Variants in P3H2 observed in about 807,000 individuals in gnomAD.
P3H2 encodes prolyl 3-hydroxylase 2.
Under a neutral mutation model 87.0 loss-of-function variants are expected in P3H2, and 80 were observed. The ratio of observed to expected loss-of-function variants is 0.92; its 90% CI spans 0.77 to 1.11. The LOEUF (loss-of-function observed/expected upper bound fraction) is 1.11. Among genes scored for constraint, P3H2 ranks in the 50% least tolerant of loss-of-function variants. The pLI, the probability that P3H2 is intolerant of heterozygous loss-of-function variation, is 0.00. For missense variants in P3H2, 1,001 were observed against 923.9 expected (o/e 1.08, Z -1.08); for synonymous variants, 367 against 359.3 (o/e 1.02, Z -0.24).
chr3:189,968,621 T>G (rs1294316037), intron 13 of P3H2, among the ~76,000 whole-genome samples: 1 of 152,198 alleles, frequency 6.6e-6, no homozygotes, highest in African/African-American at 2.4e-5. Flanking sequence ...GTAATGGGAT[T>G]GCTGGGTCAA....
intron 1 of P3H2, among the ~76,000 whole-genome samples, chr3:190,059,978 T>C (rs1034345564): frequency 5.3e-5 from 8 of 152,204 alleles, no homozygotes; most frequent in Non-Finnish European, 8.8e-5. Context: ...AGGAAATTTT[T>C]CCAGGTATCT....
Position 189,989,163 on chromosome 3 carries a change from C to T in P3H2, c.824-125G>A. 3.4e-6 allele frequency: 4 copies of T among 1,187,138 alleles called. 1 individual carries two copies. Among genetic ancestry groups the T allele is most frequent in the Admixed American group, 3.7e-5 (2 of 53,412 alleles). The allele number at this position is 1,187,138 out of a possible 1,614,324, so 73.5% of individuals were successfully genotyped here. The stretch of plus-strand genomic sequence containing the variant: ...CACTGGAAGACCAAATTATTATAAT[C>T]CTCACTTCCGGACTGCAAAACCTTT... On this transcript the variant is annotated intron_variant, in intron 3 of 14. Coordinates refer to ENST00000319332, the MANE Select transcript of P3H2 (RefSeq NM_018192.4).
chr3:190,032,119 T>C (rs1725272697), intron 1 of P3H2, among the ~76,000 whole-genome samples: 1 of 152,220 alleles, frequency 6.6e-6, no homozygotes, highest in African/African-American at 2.4e-5. Context: ...TCCAACGAGA[T>C]GGAGGATATG....
intron 1 of P3H2, among the ~76,000 whole-genome samples, chr3:190,034,608 T>A (rs1242983513): frequency 6.6e-6 from 1 of 151,922 alleles, no homozygotes; most frequent in Non-Finnish European, 1.5e-5. Context: ...AAACAAATGG[T>A]TGTCACAGAT....
At chr3:190,052,392 T>C (rs1450034166) in intron 1 of P3H2, among the ~76,000 whole-genome samples, 1 of 152,156 alleles carries the variant, frequency 6.6e-6, no homozygotes, top group Non-Finnish European at 1.5e-5. Context: ...GCTTCCAGTT[T>C]CATCCATGTC....
Position 189,973,935 on chromosome 3 carries a change from C to G in P3H2, c.1522G>C (p.Gly508Arg). 1 of 1,614,074 alleles carries G rather than the reference C, an allele frequency of 6.2e-7. No individual in the cohort carries two copies. The highest frequency in any genetic ancestry group is 8.5e-7 in the Non-Finnish European group (1 of 1,179,958). ...SPHTPNEKFE[G>R]ATVLKALKSG... ...TTGAGTGCTTTCAGGACAGTTGCACCTTCAAACTTTTCATTGGGTGTATGG... is the reference window on the plus strand; with the variant it reads ...TTGAGTGCTTTCAGGACAGTTGCACGTTCAAACTTTTCATTGGGTGTATGG... Residue 508 changes from glycine (G) to arginine (R), a missense_variant, in exon 10 of 15, where the codon GGT (glycine) becomes CGT (arginine). Transcript: ENST00000319332.
At chr3:190,055,806 T>C (rs1726135273) in intron 1 of P3H2, among the ~76,000 whole-genome samples, 1 of 152,214 alleles carries the variant, frequency 6.6e-6, no homozygotes, top group South Asian at 2.1e-4. Flanking sequence ...AAGTAAGCTT[T>C]CTATAACAAT....
At chr3:189,968,033 C>T (rs1723053069) in intron 13 of P3H2, among the ~76,000 whole-genome samples, 1 of 152,188 alleles carries the variant, frequency 6.6e-6, no homozygotes, top group Non-Finnish European at 1.5e-5. Context: ...TTATCACATA[C>T]ATGTCCCAAC....
intron 1 of P3H2, among the ~76,000 whole-genome samples, chr3:190,037,312 T>C (rs1725457246): frequency 6.6e-6 from 1 of 152,148 alleles, no homozygotes; most frequent in Non-Finnish European, 1.5e-5. Context: ...TAATGATTCT[T>C]AACATTACTG....
At chr3:190,056,611 A>C (rs1726162759) in intron 1 of P3H2, among the ~76,000 whole-genome samples, 1 of 152,242 alleles carries the variant, frequency 6.6e-6, no homozygotes, top group Admixed American at 6.5e-5. Context: ...AATCTGGATT[A>C]ATCCATTCAT....
intron 1 of P3H2, among the ~76,000 whole-genome samples, chr3:190,032,918 A>C (rs2108948488): frequency 6.6e-6 from 1 of 152,306 alleles, no homozygotes; most frequent in Admixed American, 6.5e-5. Flanking sequence ...TTCTATTATT[A>C]TTACATTGCA....
At chr3:190,070,411 A>T (rs547012015) in intron 1 of P3H2, among the ~76,000 whole-genome samples, 1 of 152,258 alleles carries the variant, frequency 6.6e-6, no homozygotes, top group South Asian at 2.1e-4. Flanking sequence ...CTTGCCTTGC[A>T]TTTGGGGTAA....
At chr3:189,967,840 C>T (rs1281906166) in intron 13 of P3H2, among the ~76,000 whole-genome samples, 1 of 152,098 alleles carries the variant, frequency 6.6e-6, no homozygotes, top group Non-Finnish European at 1.5e-5. Flanking sequence ...CACCTTTTAA[C>T]CCAGTAATAC....
chr3:190,120,556 T>G lies in P3H2; in HGVS notation c.176A>C (p.Asp59Ala). 6.5e-6 allele frequency: 10 copies of G among 1,529,578 alleles called. No homozygotes were observed. Among genetic ancestry groups the G allele is most frequent in the Non-Finnish European group, 8.7e-6 (10 of 1,148,092 alleles). 94.8% of individuals were successfully genotyped at this position (1,529,578 alleles called of 1,614,324 possible). ...CAAGTCGCGCACCGCTCGCTCGTAG[T>G]CTCCGCTGTAGTAGGCGGCCGCGCC... ...ASGAAAYYSGDYERAVRDLEA... is the reference protein window; with the variant it reads ...ASGAAAYYSGAYERAVRDLEA... The change falls in exon 1 of 15, where the codon GAC becomes GCC. Residue 59 changes from aspartate to alanine, a missense_variant. Transcript: ENST00000319332.
intron 1 of P3H2, among the ~76,000 whole-genome samples, chr3:190,059,800 AGTGTCTTCTT>A (rs1726279048): frequency 6.6e-6 from 1 of 152,158 alleles, no homozygotes; most frequent in Non-Finnish European, 1.5e-5. Flanking sequence ...CACTCTCCAC[AGTGTCTTCTT>A]GTTCACAAGT....
chr3:189,969,231 A>G (rs774931848), intron 13 of P3H2: 38 of 760,648 alleles, frequency 5.0e-5, no homozygotes, highest in Middle Eastern at 2.4e-4. Flanking sequence ...CAATACTCGC[A>G]TAACAAATTC....
intron 1 of P3H2, among the ~76,000 whole-genome samples, chr3:190,050,527 G>C (rs1725948466): frequency 6.6e-6 from 1 of 152,054 alleles, no homozygotes; most frequent in Non-Finnish European, 1.5e-5. Flanking sequence ...TTTTTTTCTG[G>C]AAGGCATGTC....
At chr3:190,088,213 T>TA (rs1727290308) in intron 1 of P3H2, among the ~76,000 whole-genome samples, 1 of 152,196 alleles carries the variant, frequency 6.6e-6, no homozygotes, top group Non-Finnish European at 1.5e-5. Flanking sequence ...ACACATCATT[T>TA]AAAAAAACTA....
At chr3:189,981,017 G>A (rs541344178) in intron 8 of P3H2, among the ~76,000 whole-genome samples, 10 of 152,360 alleles carry the variant, frequency 6.6e-5, no homozygotes, top group African/African-American at 2.2e-4. Flanking sequence ...TGCTGAGCAC[G>A]TGGAGATGCT....
Sources: gnomAD v4.1 joint callset for allele counts (sites outside exome capture counted in the v4.1 genomes callset) on GRCh38, gnomAD v4.1.1 for gene constraint, MANE v1.5 for transcripts, NCBI Gene and HGNC (gene_info 2026-07-23, HGNC 2026-07-21) for gene names.